The following CENPF variants were observed in gnomAD, a reference collection of about 807,000 sequenced individuals.
CENPF encodes the protein AH antigen.
A neutral mutation model predicts 307.3 loss-of-function variants in CENPF; 214 were observed. The observed-to-expected ratio is 0.70, with a 90% CI of 0.62 to 0.78. CENPF has a LOEUF of 0.78. Ranked by LOEUF, CENPF falls within the 30% of genes least tolerant of loss-of-function variation. The pLI, the probability that CENPF is intolerant of heterozygous loss-of-function variation, is 0.00. For synonymous variants in CENPF, 1,259 were observed against 1,270.6 expected (o/e 0.99, Z 0.19); for missense variants, 3,401 against 3,483.9 (o/e 0.98, Z 0.60).
At chr1:214,630,167 C>T (rs552419985) in intron 8 of CENPF, among the ~76,000 whole-genome samples, 5 of 152,158 alleles carry the variant, frequency 3.3e-5, no homozygotes, top group East Asian at 3.9e-4. Flanking sequence ...TTTTAAACAC[C>T]GTTTTTGAGT....
chr1:214,650,029 A>G (rs1310774834), intron 14 of CENPF, among the ~76,000 whole-genome samples: 2 of 152,226 alleles, frequency 1.3e-5, no homozygotes, highest in Non-Finnish European at 2.9e-5. Flanking sequence ...AAATAAGCGG[A>G]TAAATACTAT....
At chr1:214,631,762 A>G (rs1018105698) in intron 9 of CENPF, among the ~76,000 whole-genome samples, 1 of 152,144 alleles carries the variant, frequency 6.6e-6, no homozygotes, top group African/African-American at 2.4e-5. Context: ...GACCTCCCAA[A>G]GTGCTGGGAT....
chr1:214,663,758 G>A lies in CENPF; in HGVS notation c.9309G>A (p.Leu3103=). ...GRLVPSPKAG[L]ESNGSENCKV... is the part of the protein sequence containing the mutation. ...TTGTCCCCAGCCCCAAAGCTGGACTGGAGTCCAACGGCAGTGAGAACTGTA... is the reference window on the plus strand; with the variant it reads ...TTGTCCCCAGCCCCAAAGCTGGACTAGAGTCCAACGGCAGTGAGAACTGTA... Residue 3103 remains leucine, a synonymous_variant, in exon 20 of 20, where the codon CTG becomes CTA. Coordinates refer to ENST00000366955, the MANE Select transcript of CENPF (RefSeq NM_016343.4). 6.2e-7 allele frequency: 1 copy of A among 1,614,088 alleles called. No individual in the cohort carries two copies. Among genetic ancestry groups the A allele is most frequent in the Non-Finnish European group, 8.5e-7 (1 of 1,180,008 alleles).
chr1:214,632,795 C>G (rs1306283266), intron 10 of CENPF, among the ~76,000 whole-genome samples, 193 bp downstream of exon 10: 1 of 152,132 alleles, frequency 6.6e-6, no homozygotes, highest in African/African-American at 2.4e-5. Flanking sequence ...TTTTTCTACT[C>G]TCTATTCTGT....
At chr1:214,606,103 GC>G (rs1657021705) in intron 1 of CENPF, 3 of 1,580,954 alleles carry the variant, frequency 1.9e-6, no homozygotes, top group Non-Finnish European at 2.6e-6. Flanking sequence ...AGCAGGGTCA[GC>G]CGCGGCCTCC....
At chr1:214,611,450 C>T (rs1367688396) in intron 1 of CENPF, among the ~76,000 whole-genome samples, 1 of 152,118 alleles carries the variant, frequency 6.6e-6, no homozygotes, top group African/African-American at 2.4e-5. Flanking sequence ...ACTGCAACCT[C>T]TGCCTCCCAA....
rs749054869 is a variant in CENPF at position 214,642,972 on chromosome 1, C to T, written c.4634C>T (p.Pro1545Leu). The T allele has an allele frequency of 2.5e-6, 4 of 1,612,230 alleles. No homozygotes were observed. Among genetic ancestry groups the T allele is most frequent in the Non-Finnish European group, 3.4e-6 (4 of 1,179,434 alleles). ...NLTRKETPSAPAKGVEELESL... is the reference protein window; with the variant it reads ...NLTRKETPSALAKGVEELESL... Reference sequence around the variant, plus strand: ...ACCAGGAAAGAAACCCCTTCGGCCCCAGCGAAGGGTGTTGAAGAGCTTGAG... The same window carrying T: ...ACCAGGAAAGAAACCCCTTCGGCCCTAGCGAAGGGTGTTGAAGAGCTTGAG... The change falls in exon 12 of 20, where the codon CCA becomes CTA. Residue 1545 changes from proline to leucine, a missense_variant. Pro to Leu is a moderately conservative substitution (Grantham distance 98). Transcript: ENST00000366955.
intron 1 of CENPF, among the ~76,000 whole-genome samples, chr1:214,610,259 G>C (rs1425316524): frequency 1.3e-5 from 2 of 152,056 alleles, no homozygotes; most frequent in Admixed American, 6.6e-5. Flanking sequence ...GCTCTTTGAG[G>C]AATTGCCATA....
chr1:214,655,695 A>T (rs1658613081), intron 17 of CENPF, among the ~76,000 whole-genome samples: 1 of 152,014 alleles, frequency 6.6e-6, no homozygotes, highest in Non-Finnish European at 1.5e-5. Context: ...CCTCAAAGCG[A>T]TCCTCCCACC....
intron 8 of CENPF, among the ~76,000 whole-genome samples, chr1:214,629,661 C>T (rs555028102): frequency 1.3e-5 from 2 of 152,238 alleles, no homozygotes; most frequent in Admixed American, 6.5e-5. Flanking sequence ...CAGCAATTCT[C>T]CTGCCTCAGC....
chr1:214,633,907 A>G (rs1024120670), intron 10 of CENPF, among the ~76,000 whole-genome samples: 5 of 152,218 alleles, frequency 3.3e-5, no homozygotes, highest in Non-Finnish European at 7.3e-5. Context: ...TCCCTCTGTG[A>G]GCTTCCCTTT....
intron 1 of CENPF, chr1:214,605,951 C>T (rs955305718): frequency 1.9e-6 from 3 of 1,597,190 alleles, no homozygotes; most frequent in African/African-American, 2.7e-5. Context: ...GAAGGCGACG[C>T]GCATGCCCGA....
rs1478817245 is a variant in CENPF, at chr1:214,605,720, C to T, written c.-42+2399C>T. 4 of 1,593,490 alleles carry T rather than the reference C, an allele frequency of 2.5e-6. No homozygotes were observed. The South Asian group carries it at 4.4e-5, about 18-fold the overall frequency. ...CTCCTGGGAGATGAAGCGACGCAGG[C>T]CCTCCAGGTACTGGCTGTAGAGCTC... On this transcript the variant is annotated intron_variant, in intron 1 of 19. Transcript: ENST00000366955.
intron 10 of CENPF, 21 bp downstream of exon 10, chr1:214,632,623 A>G: frequency 6.2e-7 from 1 of 1,610,866 alleles, no homozygotes; most frequent in Non-Finnish European, 8.5e-7. Context: ...AGGATGCCGA[A>G]TTTTCTCCAC....
chr1:214,607,402 G>A (rs1657065231), intron 1 of CENPF, among the ~76,000 whole-genome samples: 2 of 152,216 alleles, frequency 1.3e-5, no homozygotes, highest in South Asian at 4.1e-4. Context: ...GTAGAGACAG[G>A]AGGGGCCGAG....
At position 214,645,046 on chromosome 1, in the gene CENPF, A is replaced by C; in HGVS notation, c.5476A>C (p.Ile1826Leu). The C allele has an allele frequency of 6.2e-7, 1 of 1,613,892 alleles. No individual in the cohort carries two copies. The highest frequency in any genetic ancestry group is 8.5e-7 in the Non-Finnish European group (1 of 1,179,986). Reference sequence around the variant, plus strand: ...ACTAATGACCAAAATTGAAGCATGCATAGAATTGGAAAAAATAGTTGGGGA... The same window carrying C: ...ACTAATGACCAAAATTGAAGCATGCCTAGAATTGGAAAAAATAGTTGGGGA... ...VQLMTKIEACIELEKIVGELK... is the reference protein window; with the variant it reads ...VQLMTKIEACLELEKIVGELK... The change falls in exon 13 of 20, where the codon ATA (isoleucine) becomes CTA (leucine). Residue 1826 changes from isoleucine (I) to leucine (L), a missense_variant. Transcript: ENST00000366955.
intron 2 of CENPF, among the ~76,000 whole-genome samples, 182 bp downstream of exon 2, chr1:214,614,098 C>A (rs2102530561): frequency 7.4e-6 from 1 of 135,422 alleles, no homozygotes; most frequent in South Asian, 2.3e-4. Flanking sequence ...CCCCAGGCCC[C>A]AATCCCCTTC....
chr1:214,655,503 C>A, intron 17 of CENPF, 100 bp downstream of exon 17: 1 of 996,636 alleles, frequency 1.0e-6, no homozygotes, highest in Non-Finnish European at 1.4e-6. Context: ...GTGCTGTGTT[C>A]TATTACTGAG....
In CENPF at chr1:214,616,834, CCTCTTTCTTTCT is replaced by C. The variant is rs1189395893; in HGVS notation, c.360-1738_360-1727del. On this transcript the variant is annotated intron_variant, in intron 3 of 19. Transcript: ENST00000366955. ...TCCTTCCTTCCTTCTTTCCTTCCTT[CCTCTTTCTTTCT>C]TTCTTTCTTTCTTTCTTTCTTTCTT... is the stretch of plus-strand genomic sequence containing the variant. Among the ~76,000 whole-genome samples, 382 of 143,800 alleles carry C rather than the reference CCTCTTTCTTTCT, an allele frequency of 2.7e-3. 15 individuals are homozygous for C. Among genetic ancestry groups the C allele is most frequent in the African/African-American group, 9.7e-3 (359 of 37,112 alleles). The allele number at this position is 143,800 out of a possible 152,430, so 94.3% of individuals were successfully genotyped here.
Sources: allele counts gnomAD v4.1 joint callset (sites outside exome capture counted in the v4.1 genomes callset), GRCh38; gene constraint gnomAD v4.1.1; transcripts MANE v1.5; gene names NCBI Gene and HGNC (gene_info 2026-07-23, HGNC 2026-07-21).